Variants in IRF9 observed in about 807,000 individuals in gnomAD.
IRF9 encodes IFN-alpha-responsive transcription factor subunit.
In IRF9, 13 loss-of-function variants were observed where a neutral mutation model predicts 44.1. The observed-to-expected ratio is 0.29, with a 90% confidence interval of 0.19 to 0.47. The LOEUF (loss-of-function observed/expected upper bound fraction) is 0.47, where lower values mean the gene tolerates loss of function less well. Ranked by LOEUF, IRF9 falls within the 20% of genes least tolerant of loss-of-function variation. The probability of loss-of-function intolerance (pLI) is 1.00; values close to 1 mark genes in which losing one functional copy is unlikely to be tolerated. For missense variants in IRF9, 373 were observed against 496.1 expected, an observed-to-expected ratio of 0.75 and a Z score of 2.36; for synonymous variants, 189 against 188.5, an observed-to-expected ratio of 1.00 and a Z score of -0.02.
Position 24,162,322 on chromosome 14 carries a change from A to G in IRF9, c.178A>G (p.Lys60Glu). 6.2e-7 allele frequency: 1 copy of G among 1,613,348 alleles called. No homozygotes were observed. Among genetic ancestry groups the G allele is most frequent in the Non-Finnish European group, 8.5e-7 (1 of 1,179,530 alleles). Residue 60 changes from lysine (K) to glutamate (E), a missense_variant and splice_region_variant, in exon 2 of 9, where the codon AAG (lysine) becomes GAG (glutamate). Lys to Glu is a moderately conservative substitution (Grantham distance 56, BLOSUM62 1). This residue lies in a region of IRF9 where 227 missense variants were observed against 255.3 expected (regional missense o/e 0.89). Coordinates refer to ENST00000396864, the MANE Select transcript of IRF9 (RefSeq NM_006084.5). Reference sequence around the variant, plus strand: ...GGAGGACCAGGATGCTGCCTTCTTCAAGGTGAAAGGGCCTGGAAACCACTG... The same window carrying G: ...GGAGGACCAGGATGCTGCCTTCTTCGAGGTGAAAGGGCCTGGAAACCACTG... ...FREDQDAAFF[K>E]AWAIFKGKYK...
chr14:24,163,896 GGGGGAGCAGTCCATTCAGACA>G lies in IRF9; in HGVS notation c.515_535del (p.Gly172_Ile179delinsVal). The G allele has an allele frequency of 6.3e-7, 1 of 1,595,672 alleles. No homozygotes were observed. Among genetic ancestry groups the G allele is most frequent in the Non-Finnish European group, 8.5e-7 (1 of 1,175,530 alleles). ...TCCGCAGGAGGAGGAGGGGGCCAGT[GGGGGAGCAGTCCATTCAGACA>G]TTGGGAGCAGCAGCAGCAGCAGCAG... On this transcript the variant is annotated inframe_deletion, in exon 5 of 9. Coordinates refer to ENST00000396864, the MANE Select transcript of IRF9 (RefSeq NM_006084.5).
chr14:24,162,887 G>A (rs897221268), intron 2 of IRF9, 79 bp from the exon 3 acceptor site: 18 of 1,135,402 alleles, frequency 1.6e-5, no homozygotes, highest in African/African-American at 7.7e-5. Flanking sequence ...AGAGCTGCAC[G>A]CCTGTAAAGC....
intron 8 of IRF9, 56 bp from the exon 9 acceptor site, chr14:24,166,066 G>A (rs1422606677): frequency 1.0e-5 from 16 of 1,589,102 alleles, no homozygotes; most frequent in Admixed American, 1.7e-5. Flanking sequence ...TCCTGGGGGT[G>A]GTGTCTGTCC....
Position 24,163,865 on chromosome 14 carries a change from A to T in IRF9, c.496-13A>T. On this transcript the variant is annotated splice_polypyrimidine_tract_variant and intron_variant, in intron 4 of 8. Transcript: ENST00000396864. The stretch of plus-strand genomic sequence containing the variant: ...AAAAAGAGAAAAAAAATAAAAAGAC[A>T]CTGTGTCCGCAGGAGGAGGAGGGGG... 1.9e-6 allele frequency: 3 copies of T among 1,584,920 alleles called. No individual in the cohort carries two copies. Among genetic ancestry groups the T allele is most frequent in the Non-Finnish European group, 2.6e-6 (3 of 1,172,784 alleles).
rs2038497557 is a variant in IRF9 at position 24,164,419 on chromosome 14, A to G, written c.650-195A>G. The stretch of plus-strand genomic sequence containing the variant: ...CCAATCTCAAGGGACCTTCTAGTAA[A>G]CTACAAGCCCCTGGGCATTGAGCCC... On this transcript the variant is annotated intron_variant, in intron 6 of 8. Transcript: ENST00000396864. The surrounding 1 kb of genome is among the most constrained non-coding windows in gnomAD (Gnocchi z 5.2). 2 of 613,586 alleles carry G rather than the reference A, an allele frequency of 3.3e-6. No individual in the cohort carries two copies. Among genetic ancestry groups the G allele is most frequent in the Non-Finnish European group, 5.7e-6 (2 of 352,096 alleles). 38.0% of individuals were successfully genotyped at this position (613,586 alleles called of 1,614,324 possible).
Position 24,163,972 on chromosome 14 carries a change from C to A in IRF9, c.577+13C>A. Reference sequence around the variant, plus strand: ...GAGCCACAGGAAGGTACCACCTGCCCTGCCTCTTGTGTCGTCCCCCATGCC... The same window carrying A: ...GAGCCACAGGAAGGTACCACCTGCCATGCCTCTTGTGTCGTCCCCCATGCC... On this transcript the variant is annotated intron_variant, in intron 5 of 8. Transcript: ENST00000396864. 6.2e-7 allele frequency: 1 copy of A among 1,609,090 alleles called. No individual in the cohort carries two copies.
At position 24,165,981 on chromosome 14, in the gene IRF9, T is replaced by C. The variant is rs1442950879; in HGVS notation, c.1107+19T>C. 3.1e-6 allele frequency: 5 copies of C among 1,604,630 alleles called. No homozygotes were observed. Among genetic ancestry groups the C allele is most frequent in the Non-Finnish European group, 2.6e-6 (3 of 1,171,796 alleles). On this transcript the variant is annotated intron_variant, in intron 8 of 8. Coordinates refer to ENST00000396864, the MANE Select transcript of IRF9 (RefSeq NM_006084.5). Reference sequence around the variant, plus strand: ...AGTGAAGGTGAGCTCGGAGCAGGGGTAGAGTACCCATCTAATGAGAGCAGA... The same window carrying C: ...AGTGAAGGTGAGCTCGGAGCAGGGGCAGAGTACCCATCTAATGAGAGCAGA...
chr14:24,163,837 C>CA (rs752202010), intron 4 of IRF9, 41 bp from the exon 5 acceptor site: 16 of 1,562,460 alleles, frequency 1.0e-5, no homozygotes, highest in African/African-American at 1.4e-5. Context: ...AACTCTGTCT[C>CA]AAAAAAAGAG....
rs1290464808 is a variant in IRF9 at position 24,164,079 on chromosome 14, G to C, written c.594G>C (p.Glu198Asp). 7.4e-6 allele frequency: 12 copies of C among 1,614,110 alleles called. No homozygotes were observed. Among genetic ancestry groups the C allele is most frequent in the Non-Finnish European group, 1.0e-5 (12 of 1,180,002 alleles). ...PEPQEVTDTT[E>D]APFQGDQRSL... ...CCCTTCCAGTTACAGACACAACTGA[G>C]GCCCCCTTTCAAGGGGATCAGAGGT... Residue 198 changes from glutamate to aspartate, a missense_variant, in exon 6 of 9, where the codon GAG (glutamate) becomes GAC (aspartate). By Grantham distance (45) the Glu-to-Asp change is conservative (BLOSUM62 2). Coordinates refer to ENST00000396864, the MANE Select transcript of IRF9 (RefSeq NM_006084.5). This position sits in a 1 kb window ranked among gnomAD's most constrained non-coding sequence, Gnocchi z 5.2.
In IRF9 at chr14:24,164,302, A is replaced by C; in HGVS notation, c.649+168A>C. 3.2e-5 allele frequency: 21 copies of C among 656,968 alleles called. 1 individual carries two copies. In the South Asian group the frequency reaches 3.8e-4, roughly 12 times the overall value. 40.7% of individuals were successfully genotyped at this position (656,968 alleles called of 1,614,324 possible). On this transcript the variant is annotated intron_variant, in intron 6 of 8. Transcript: ENST00000396864. This position sits in a 1 kb window ranked among gnomAD's most constrained non-coding sequence, Gnocchi z 5.2. ...GCGAGAATTCCATATGCCTGGCCAG[A>C]CTCCAAAAAGCTTGCTTCCCAAAAA...
intron 8 of IRF9, 23 bp from the exon 9 acceptor site, chr14:24,166,099 C>G: frequency 6.2e-7 from 1 of 1,609,832 alleles, no homozygotes; most frequent in East Asian, 2.2e-5. Flanking sequence ...CTGAGATGCT[C>G]TTCTCCATCT....
Position 24,161,343 on chromosome 14 carries a change from GATCAGCCAAGGATGGGA to G in IRF9, c.-2+6_-2+22del, listed in dbSNP as rs1006988097. The G allele has an allele frequency of 5.9e-5, 9 of 152,404 alleles. No homozygotes were observed. Among genetic ancestry groups the G allele is most frequent in the African/African-American group, 1.9e-4 (8 of 41,470 alleles). 9.4% of individuals were successfully genotyped at this position (152,404 alleles called of 1,614,324 possible). A position where few individuals can be genotyped will look rare whatever the true frequency, so the allele number is the denominator to read the frequency against. On this transcript the variant is annotated splice_donor_region_variant and intron_variant, in intron 1 of 8. Coordinates refer to ENST00000396864, the MANE Select transcript of IRF9 (RefSeq NM_006084.5). ...ACAGCCTGGACAGCAACTCAGGTAA[GATCAGCCAAGGATGGGA>G]GTCAGCCTGGGATCTAGGGCTAGAA...
Position 24,164,026 on chromosome 14 carries a change from C to T in IRF9, c.578-37C>T, listed in dbSNP as rs2038492976. The T allele has an allele frequency of 1.2e-6, 2 of 1,613,158 alleles. No individual in the cohort carries two copies. Among genetic ancestry groups the T allele is most frequent in the African/African-American group, 2.7e-5 (2 of 74,856 alleles). On this transcript the variant is annotated intron_variant, in intron 5 of 8. Coordinates refer to ENST00000396864, the MANE Select transcript of IRF9 (RefSeq NM_006084.5). The surrounding 1 kb of genome is among the most constrained non-coding windows in gnomAD (Gnocchi z 5.2). ...CCCTCTGGCCCAAGACTCCCCAGTC[C>T]CACTCTGAATGACCAGTGCCTTTGC...
In IRF9 at chr14:24,163,856, T is replaced by A. The variant is rs530484644; in HGVS notation, c.496-22T>A. 4 of 1,580,716 alleles carry A rather than the reference T, an allele frequency of 2.5e-6. No individual in the cohort carries two copies. The East Asian group carries it at 6.7e-5, about 27-fold the overall frequency. ...CTGTCTCAAAAAAAGAGAAAAAAAA[T>A]AAAAAGACACTGTGTCCGCAGGAGG... On this transcript the variant is annotated intron_variant, in intron 4 of 8. Transcript: ENST00000396864.
intron 2 of IRF9, 169 bp downstream of exon 2, chr14:24,162,493 G>A: frequency 2.9e-6 from 2 of 701,036 alleles, no homozygotes; most frequent in Non-Finnish European, 4.5e-6. Flanking sequence ...AAATGTGGAG[G>A]CCTTGTTCAA....
In IRF9 at chr14:24,163,037, G is replaced by A; in HGVS notation, c.252G>A (p.Leu84=). Residue 84 remains leucine, a synonymous_variant, in exon 3 of 9, where the codon CTG becomes CTA. Coordinates refer to ENST00000396864, the MANE Select transcript of IRF9 (RefSeq NM_006084.5). ...GTCCAGCTGTCTGGAAGACTCGCCT[G>A]CGCTGTGCACTCAACAAGAGTTCTG... The part of the protein sequence containing the change: ...TGGPAVWKTR[L]RCALNKSSEF... 1 of 1,614,154 alleles carries A rather than the reference G, an allele frequency of 6.2e-7. No homozygotes were observed. Among genetic ancestry groups the A allele is most frequent in the African/African-American group, 1.3e-5 (1 of 75,024 alleles).
Position 24,166,259 on chromosome 14 carries a change from C to T in IRF9, c.*63C>T. 7.5e-7 allele frequency: 1 copy of T among 1,337,318 alleles called. No individual in the cohort carries two copies. The highest frequency in any genetic ancestry group is 1.1e-6 in the Non-Finnish European group (1 of 937,298). The allele number at this position is 1,337,318 out of a possible 1,614,324, so 82.8% of individuals were successfully genotyped here. A position where few individuals can be genotyped will look rare whatever the true frequency, so the allele number is the denominator to read the frequency against. ...CTTCCTGTCTCCTTTGAAGTAGACT[C>T]ATTCTTCACACGATTGACCTGTCCT... On this transcript the variant is annotated 3_prime_UTR_variant, in exon 9 of 9. Coordinates refer to ENST00000396864, the MANE Select transcript of IRF9 (RefSeq NM_006084.5).
chr14:24,162,861 A>T, intron 2 of IRF9, 105 bp from the exon 3 acceptor site: 1 of 876,188 alleles, frequency 1.1e-6, no homozygotes. Flanking sequence ...GACCCTGCAT[A>T]ATCCCTTCTG....
At chr14:24,163,535 G>A (rs2038485800) in intron 4 of IRF9, 27 bp downstream of exon 4, 1 of 1,610,386 alleles carries the variant, frequency 6.2e-7, no homozygotes, top group Non-Finnish European at 8.5e-7. Flanking sequence ...GAACTGGGTG[G>A]GCCTAAGGGC....
Sources: allele counts gnomAD v4.1 joint callset, GRCh38; gene constraint gnomAD v4.1.1; regional missense constraint gnomAD v4.1.1; non-coding constraint Gnocchi (gnomAD v3.1); transcripts MANE v1.5; gene names NCBI Gene and HGNC (gene_info 2026-07-23, HGNC 2026-07-21).